The following SLFN12 variants were observed in gnomAD, a reference collection of about 807,000 sequenced individuals.
SLFN12 encodes schlafen family member 12, also known as ribonuclease SLFN12.
SLFN12 carries 25 observed loss-of-function variants against 29.1 expected under a neutral mutation model. The ratio of observed to expected loss-of-function variants is 0.86; its 90% CI spans 0.63 to 1.20. The LOEUF (loss-of-function observed/expected upper bound fraction) is 1.20, where lower values mean the gene tolerates loss of function less well. SLFN12 is among the 50% of genes most tolerant of loss of function. SLFN12 has a pLI of 0.00. For missense variants in SLFN12, 660 were observed against 666.2 expected, an observed-to-expected ratio of 0.99 and a Z score of 0.10; for synonymous variants, 257 against 238.7, an observed-to-expected ratio of 1.08 and a Z score of -0.71.
At position 35,423,002 on chromosome 17, in the gene SLFN12, C is replaced by T. The variant is rs753834289; in HGVS notation, c.27G>A (p.Thr9=). The T allele has an allele frequency of 1.2e-5, 19 of 1,611,972 alleles. No homozygotes were observed. The highest frequency in any genetic ancestry group is 6.7e-5 in the African/African-American group (5 of 74,854). The stretch of plus-strand genomic sequence containing the variant: ...CATCTAGAACCAACTCGGCATAATT[C>T]GTTTCCAAATCAACACTGATGTTCA... MNISVDLE[T]NYAELVLDVG... is the part of the protein sequence containing the mutation. Residue 9 remains threonine (T), a synonymous_variant, in exon 2 of 4, where the codon ACG becomes ACA. Coordinates refer to ENST00000304905, the MANE Select transcript of SLFN12 (RefSeq NM_018042.5).
At chr17:35,426,320 T>C (rs1279954002) in intron 1 of SLFN12, among the ~76,000 whole-genome samples, 5 of 152,144 alleles carry the variant, frequency 3.3e-5, no homozygotes, top group African/African-American at 9.7e-5. Context: ...TTGTCTACAT[T>C]TGCTTTCATT....
At chr17:35,414,019 G>T (rs566725872) in intron 3 of SLFN12, among the ~76,000 whole-genome samples, 1 of 152,026 alleles carries the variant, frequency 6.6e-6, no homozygotes, top group East Asian at 1.9e-4. Flanking sequence ...AAAACCTAGA[G>T]CTAACTCCAT....
rs367664603 is a variant in SLFN12, at chr17:35,419,233, A to G, written c.1147+1041T>C. Among the ~76,000 whole-genome samples the G allele has an allele frequency of 4.0e-4, 61 of 152,264 alleles. 1 individual carries two copies. In the South Asian group the frequency reaches 0.012, roughly 30 times the overall value. ...AGGATCTCTTATGCAAGGCACAAAG[A>G]GCACTAAACCGCAACATTTTAAATG... On this transcript the variant is annotated intron_variant, in intron 3 of 3. Transcript: ENST00000304905.
At chr17:35,412,378 G>A (rs1481609264) in intron 3 of SLFN12, among the ~76,000 whole-genome samples, 3 of 152,034 alleles carry the variant, frequency 2.0e-5, no homozygotes, top group Non-Finnish European at 4.4e-5. Context: ...AAACACAGAA[G>A]AAAATATCAA....
chr17:35,424,893 T>C (rs1017141179), intron 1 of SLFN12, among the ~76,000 whole-genome samples: 5 of 152,182 alleles, frequency 3.3e-5, no homozygotes, highest in African/African-American at 1.2e-4. Flanking sequence ...TTTTTGAAAC[T>C]TGTATATATT....
Position 35,422,489 on chromosome 17 carries a change from C to A in SLFN12, c.540G>T (p.Leu180Phe), listed in dbSNP as rs1911738776. 6.2e-7 allele frequency: 1 copy of A among 1,612,982 alleles called. No individual in the cohort carries two copies. Among genetic ancestry groups the A allele is most frequent in the African/African-American group, 1.3e-5 (1 of 74,820 alleles). ...DIQEENNMKA[L>F]AGVFFDRTEL... ...CTGTTCTATCAAAAAAAACCCCGGC[C>A]AAGGCCTTCATGTTATTTTCTTCTT... The change falls in exon 2 of 4, where the codon TTG becomes TTT. Residue 180 changes from leucine (L) to phenylalanine (F), a missense_variant. Physicochemically the swap from Leu to Phe is conservative, Grantham distance 22 (BLOSUM62 0). Coordinates refer to ENST00000304905, the MANE Select transcript of SLFN12 (RefSeq NM_018042.5).
intron 1 of SLFN12, among the ~76,000 whole-genome samples, chr17:35,426,248 C>T (rs1251585851): frequency 6.6e-6 from 1 of 151,444 alleles, no homozygotes; most frequent in Non-Finnish European, 1.5e-5. Flanking sequence ...GTAGCCTATT[C>T]TTTTACTCTG....
chr17:35,422,357 T>C lies in SLFN12; in HGVS notation c.672A>G (p.Gln224=). Residue 224 remains glutamine, a synonymous_variant, in exon 2 of 4, where the codon CAA becomes CAG. Coordinates refer to ENST00000304905, the MANE Select transcript of SLFN12 (RefSeq NM_018042.5). ...LLQRIKEILP[Q]YVSAFANTDG... is the part of the protein sequence containing the mutation. ...CAGTATTTGCAAATGCAGAAACATA[T>C]TGAGGGAGAATCTCTTTAATTCGTT... 1 of 1,614,026 alleles carries C rather than the reference T, an allele frequency of 6.2e-7. No individual in the cohort carries two copies. The highest frequency in any genetic ancestry group is 8.5e-7 in the Non-Finnish European group (1 of 1,179,984).
intron 3 of SLFN12, among the ~76,000 whole-genome samples, chr17:35,412,446 C>A (rs1911081557): frequency 6.6e-6 from 1 of 152,064 alleles, no homozygotes; most frequent in African/African-American, 2.4e-5. Context: ...TCAGGAAACA[C>A]AGACTGGAAT....
At chr17:35,417,981 A>G (rs1911415865) in intron 3 of SLFN12, among the ~76,000 whole-genome samples, 1 of 152,124 alleles carries the variant, frequency 6.6e-6, no homozygotes, top group Non-Finnish European at 1.5e-5. Context: ...AATAAGTAAA[A>G]AGATTTCCTA....
chr17:35,414,718 A>T (rs1297303707), intron 3 of SLFN12, among the ~76,000 whole-genome samples: 1 of 152,134 alleles, frequency 6.6e-6, no homozygotes, highest in Non-Finnish European at 1.5e-5. Flanking sequence ...CTATACAGCA[A>T]GAGTGACCAA....
chr17:35,425,319 A>G (rs893606362), intron 1 of SLFN12, among the ~76,000 whole-genome samples: 1 of 152,090 alleles, frequency 6.6e-6, no homozygotes. Flanking sequence ...TACATAATAA[A>G]GAATACAACA....
rs777247577 is a variant in SLFN12, at chr17:35,422,234, T to C, written c.795A>G (p.Glu265=). 5 of 1,614,054 alleles carry C rather than the reference T, an allele frequency of 3.1e-6. No homozygotes were observed. The highest frequency in any genetic ancestry group is 4.2e-6 in the Non-Finnish European group (5 of 1,180,028). Residue 265 remains glutamate (E), a synonymous_variant, in exon 2 of 4, where the codon GAA becomes GAG. Coordinates refer to ENST00000304905, the MANE Select transcript of SLFN12 (RefSeq NM_018042.5). ...SDLDDLEREI[E]KSIRKMPVHH... ...GCACAGGCATCTTCCTAATGGACTT[T>C]TCGATTTCTCTTTCTAAGTCATCGA...
At chr17:35,430,944 T>C (rs958271461) in intron 1 of SLFN12, among the ~76,000 whole-genome samples, 1 of 152,156 alleles carries the variant, frequency 6.6e-6, no homozygotes, top group Non-Finnish European at 1.5e-5. Context: ...AACTATGGCC[T>C]TTACAGTAGA....
intron 1 of SLFN12, chr17:35,430,443 G>T (rs544331077): frequency 6.6e-6 from 1 of 152,046 alleles, no homozygotes; most frequent in African/African-American, 2.4e-5. Context: ...TAACCAAAAC[G>T]TAAGGCCTTA....
chr17:35,423,819 A>G (rs1286285636), intron 1 of SLFN12, among the ~76,000 whole-genome samples: 1 of 152,082 alleles, frequency 6.6e-6, no homozygotes, highest in African/African-American at 2.4e-5. Context: ...CATGAATGAG[A>G]TTAGTACTCT....
intron 1 of SLFN12, among the ~76,000 whole-genome samples, chr17:35,428,380 G>C (rs28511582): frequency 0.14 from 21,777 of 151,840 alleles, 2,275 homozygotes; most frequent in African/African-American, 0.28. Context: ...CAGAACTTTG[G>C]CCTGTACCTT....
At position 35,411,216 on chromosome 17, in the gene SLFN12, A is replaced by G; in HGVS notation, c.*122T>C. On this transcript the variant is annotated 3_prime_UTR_variant, in exon 4 of 4. Coordinates refer to ENST00000304905, the MANE Select transcript of SLFN12 (RefSeq NM_018042.5). ...GAGAAGTGAAAATAGACAAAACCCA[A>G]TTATCCAACATCACATTAAGTTGCT... 1.5e-6 allele frequency: 1 copy of G among 688,948 alleles called. No homozygotes were observed. The highest frequency in any genetic ancestry group is 2.2e-5 in the South Asian group (1 of 45,984). The allele number at this position is 688,948 out of a possible 1,614,324, so 42.7% of individuals were successfully genotyped here. A position where few individuals can be genotyped will look rare whatever the true frequency, so the allele number is the denominator to read the frequency against.
chr17:35,421,686 C>T (rs1452705034), intron 2 of SLFN12, among the ~76,000 whole-genome samples: 2 of 151,910 alleles, frequency 1.3e-5, no homozygotes, highest in East Asian at 3.9e-4. Flanking sequence ...ACTACAGGCA[C>T]GTGCCATCAC....
Sources: allele counts gnomAD v4.1 joint callset (sites outside exome capture counted in the v4.1 genomes callset), GRCh38; gene constraint gnomAD v4.1.1; transcripts MANE v1.5; gene names NCBI Gene and HGNC (gene_info 2026-07-23, HGNC 2026-07-21).